EPS15L1: variants seen among roughly 807,000 people sequenced by gnomAD.
The protein encoded by EPS15L1 is epidermal growth factor receptor pathway substrate 15 like 1.
A neutral mutation model predicts 117.1 loss-of-function variants in EPS15L1; 43 were observed. The observed-to-expected ratio is 0.37, with a 90% CI of 0.29 to 0.47. The LOEUF is 0.47. Among genes scored for constraint, EPS15L1 ranks in the 20% least tolerant of loss-of-function variants. The pLI, the probability that EPS15L1 is intolerant of heterozygous loss-of-function variation, is 0.99. For synonymous variants in EPS15L1, 459 were observed against 470.5 expected (o/e 0.98, Z 0.32); for missense variants, 981 against 1,164.0 (o/e 0.84, Z 2.29).
chr19:16,443,585 C>T (rs2093053061), intron 1 of EPS15L1: 1 of 152,038 alleles, frequency 6.6e-6, no homozygotes, highest in African/African-American at 2.4e-5. Flanking sequence ...TGGCATGCAC[C>T]TGTAATCCCA....
rs569473733 is a variant in EPS15L1, at chr19:16,424,783, C to T, written c.792+300G>A. Among the ~76,000 whole-genome samples the T allele has an allele frequency of 1.8e-4, 28 of 152,166 alleles. No homozygotes were observed. The South Asian group carries it at 4.1e-3, about 23-fold the overall frequency. On this transcript the variant is annotated intron_variant, in intron 9 of 23. Coordinates refer to ENST00000455140, the MANE Select transcript of EPS15L1 (RefSeq NM_001258374.3). ...TCAAGCAATTCTCCTGCCTCAGCCT[C>T]CCGAGTGGCTGGGATTACAGGTGCG...
chr19:16,362,071 C>T lies in EPS15L1; in HGVS notation c.2381-87G>A, dbSNP rs2092062768. ...AGAGCAGAATGCTGGTGGGCACAAG[C>T]CCGGGGCGCTTCTCTGAGAAAAGCT... On this transcript the variant is annotated intron_variant, in intron 22 of 23. Coordinates refer to ENST00000455140, the MANE Select transcript of EPS15L1 (RefSeq NM_001258374.3). The T allele has an allele frequency of 1.4e-5, 19 of 1,351,124 alleles. No homozygotes were observed. The South Asian group carries it at 2.6e-4, about 19-fold the overall frequency. The allele number at this position is 1,351,124 out of a possible 1,614,324, so 83.7% of individuals were successfully genotyped here. A position where few individuals can be genotyped will look rare whatever the true frequency, so the allele number is the denominator to read the frequency against.
chr19:16,384,168 GC>G (rs140046934), intron 21 of EPS15L1: 11,832 of 152,396 alleles, frequency 0.078, 550 homozygotes, highest in Non-Finnish European at 0.11. Flanking sequence ...GGCCCCTGCA[GC>G]CCCCCGAAGA....
Position 16,434,381 on chromosome 19 carries a change from A to C in EPS15L1, c.482T>G (p.Leu161Arg). ...KPVLMNSKLP[L>R]DVLGRVWDLS... is the part of the protein sequence containing the mutation. ...CCCACTTACCCTGCCCAGGACATCAAGAGGCAGCTTTGAGTTCATGAGGAC... is the reference window on the plus strand; with the variant it reads ...CCCACTTACCCTGCCCAGGACATCACGAGGCAGCTTTGAGTTCATGAGGAC... Residue 161 changes from leucine to arginine, a missense_variant, in exon 7 of 24, where the codon CTT becomes CGT. Physicochemically the swap from Leu to Arg is moderately radical, Grantham distance 102. Coordinates refer to ENST00000455140, the MANE Select transcript of EPS15L1 (RefSeq NM_001258374.3). 1.9e-6 allele frequency: 3 copies of C among 1,614,204 alleles called. No homozygotes were observed. The highest frequency in any genetic ancestry group is 1.1e-5 in the South Asian group (1 of 91,086).
At chr19:16,436,845 A>G (rs2092982963) in intron 6 of EPS15L1, 92 bp downstream of exon 6, 1 of 1,077,656 alleles carries the variant, frequency 9.3e-7, no homozygotes, top group Non-Finnish European at 1.4e-6. Context: ...AACAACATCA[A>G]ACTAGAACAA....
chr19:16,455,176 G>A lies in EPS15L1; in HGVS notation c.34-12957C>T, dbSNP rs149165219. ...TCTGTTGTCCAGGCTGGAGTGCAGT[G>A]GCACGACCATAGCTCACTGTAGCCT... is the stretch of plus-strand genomic sequence containing the variant. On this transcript the variant is annotated intron_variant, in intron 1 of 23. Coordinates refer to ENST00000455140, the MANE Select transcript of EPS15L1 (RefSeq NM_001258374.3). 7.3e-3 allele frequency among the ~76,000 whole-genome samples: 1,105 copies of A among 151,876 alleles called. 19 individuals carry two copies. The highest frequency in any genetic ancestry group is 0.025 in the African/African-American group (1,055 of 41,456).
chr19:16,414,132 G>A (rs367752435), intron 12 of EPS15L1, among the ~76,000 whole-genome samples: 8 of 152,220 alleles, frequency 5.3e-5, no homozygotes, highest in African/African-American at 1.9e-4. Flanking sequence ...GTGTGATAAG[G>A]ACCCAGAGCG....
chr19:16,364,875 C>G lies in EPS15L1; in HGVS notation c.2381-2891G>C, dbSNP rs371909358. Reference sequence around the variant, plus strand: ...ATCGGCCGCCCACCAGCTCGGCTCCCTTCCCTGTGAGCCAAACCCACCCAG... The same window carrying G: ...ATCGGCCGCCCACCAGCTCGGCTCCGTTCCCTGTGAGCCAAACCCACCCAG... On this transcript the variant is annotated intron_variant, in intron 22 of 23. Transcript: ENST00000455140. Among the ~76,000 whole-genome samples the G allele has an allele frequency of 3.1e-4, 47 of 152,242 alleles. 1 individual carries two copies. Among genetic ancestry groups the G allele is most frequent in the African/African-American group, 1.1e-3 (44 of 41,472 alleles).
chr19:16,441,837 G>A (rs371007291), intron 3 of EPS15L1, 55 bp downstream of exon 3: 101 of 1,426,598 alleles, frequency 7.1e-5, no homozygotes, highest in Middle Eastern at 3.6e-4. Flanking sequence ...CCTGACCTGC[G>A]GGGGGAGCTG....
Position 16,428,756 on chromosome 19 carries a change from C to A in EPS15L1, c.504G>T (p.Trp168Cys). Residue 168 changes from tryptophan to cysteine, a missense_variant, in exon 8 of 24, where the codon TGG becomes TGT. Physicochemically the swap from Trp to Cys is radical, Grantham distance 215. Transcript: ENST00000455140. ...KLPLDVLGRV[W>C]DLSDIDKDGH... ...CATCCTTGTCAATGTCACTGAGGTCCCAGACCTGCAAGGGAGAGACCAGCA... is the reference window on the plus strand; with the variant it reads ...CATCCTTGTCAATGTCACTGAGGTCACAGACCTGCAAGGGAGAGACCAGCA... The A allele has an allele frequency of 6.2e-7, 1 of 1,609,796 alleles. No individual in the cohort carries two copies.
chr19:16,412,727 G>T (rs1339517709), intron 13 of EPS15L1: 2 of 50,852 alleles, frequency 3.9e-5, no homozygotes, highest in Non-Finnish European at 7.6e-5. Flanking sequence ...GGGGGGGGGG[G>T]TGTCAGAGGC....
intron 13 of EPS15L1, among the ~76,000 whole-genome samples, chr19:16,409,937 CAAAAAAAAAA>C (rs140859526): frequency 1.3e-4 from 6 of 45,030 alleles, no homozygotes; most frequent in Non-Finnish European, 2.0e-4. Context: ...GACTCTGTCT[CAAAAAAAAAA>C]AAAAAAAAAA....
chr19:16,409,675 C>T (rs1275932087), intron 13 of EPS15L1, among the ~76,000 whole-genome samples: 1 of 152,106 alleles, frequency 6.6e-6, no homozygotes, highest in Non-Finnish European at 1.5e-5. Context: ...CAGTGGCTCC[C>T]GCCTGTAATC....
At chr19:16,417,471 G>A in intron 12 of EPS15L1, 81 bp downstream of exon 12, 24 of 1,215,706 alleles carry the variant, frequency 2.0e-5, no homozygotes, top group East Asian at 4.7e-5. Context: ...ACTTCCAGGT[G>A]AGCCTCTGAT....
At chr19:16,418,361 G>A (rs917392833) in intron 10 of EPS15L1, among the ~76,000 whole-genome samples, 3 of 152,182 alleles carry the variant, frequency 2.0e-5, no homozygotes, top group Non-Finnish European at 4.4e-5. Flanking sequence ...CTGAGGAGCC[G>A]ACCCCCTGGG....
At chr19:16,451,552 G>C (rs2093143625) in intron 1 of EPS15L1, among the ~76,000 whole-genome samples, 2 of 150,002 alleles carry the variant, frequency 1.3e-5, no homozygotes, top group African/African-American at 4.9e-5. Flanking sequence ...TTTTTGAGAT[G>C]GAGTTTTGCT....
chr19:16,400,336 C>CAA (rs1162302779), intron 16 of EPS15L1, among the ~76,000 whole-genome samples: 11 of 60,638 alleles, frequency 1.8e-4, no homozygotes, highest in Admixed American at 5.6e-4. Context: ...GACTCCGTCT[C>CAA]AAAAAAAAAA....
intron 1 of EPS15L1, among the ~76,000 whole-genome samples, chr19:16,444,417 A>G (rs2093063773): frequency 6.6e-6 from 1 of 152,072 alleles, no homozygotes; most frequent in African/African-American, 2.4e-5. Context: ...AGTGGCTATC[A>G]CCCTTAGCAT....
intron 1 of EPS15L1, among the ~76,000 whole-genome samples, chr19:16,448,079 T>C (rs1318873733): frequency 1.3e-5 from 2 of 152,232 alleles, no homozygotes; most frequent in Non-Finnish European, 2.9e-5. Flanking sequence ...AAAAGTCTTA[T>C]GCCTCGTACA....
Sources: gnomAD v4.1 joint callset for allele counts (sites outside exome capture counted in the v4.1 genomes callset) on GRCh38, gnomAD v4.1.1 for gene constraint, MANE v1.5 for transcripts, NCBI Gene and HGNC (gene_info 2026-07-23, HGNC 2026-07-21) for gene names.